The following C12orf71 variants were observed in gnomAD, a reference collection of about 807,000 sequenced individuals.
C12orf71 encodes the protein uncharacterized protein C12orf71.
C12orf71 carries 10 observed loss-of-function variants against 11.7 expected under a neutral mutation model. That is an observed-to-expected ratio of 0.86 (90% CI 0.53 to 1.45). The LOEUF (loss-of-function observed/expected upper bound fraction) is 1.45. Among genes scored for constraint, C12orf71 ranks in the 40% most tolerant of loss-of-function variants. The pLI, the probability that C12orf71 is intolerant of heterozygous loss-of-function variation, is 0.00. For synonymous variants in C12orf71, 110 were observed against 123.4 expected (o/e 0.89, Z 0.72); for missense variants, 293 against 325.8 (o/e 0.90, Z 0.78).
At position 27,082,350 on chromosome 12, in the gene C12orf71, G is replaced by T. The variant is rs745824440; in HGVS notation, c.134C>A (p.Pro45His). 1.6e-5 allele frequency: 26 copies of T among 1,598,534 alleles called. No homozygotes were observed. The highest frequency in any genetic ancestry group is 2.1e-5 in the Non-Finnish European group (25 of 1,173,376). The part of the protein sequence containing the change: ...CEDTTSWEDA[P>H]SKGPSIHFLP... ...AAAGTGGATGGAAGGACCCTTGGAA[G>T]GTGCATCTTCCCAGGAGGTTGTGTC... The change falls in exon 1 of 2, where the codon CCT becomes CAT. Residue 45 changes from proline to histidine, a missense_variant. Physicochemically the swap from Pro to His is moderately conservative, Grantham distance 77. Transcript: ENST00000429849.
Position 27,082,267 on chromosome 12 carries a change from G to C in C12orf71, c.217C>G (p.Gln73Glu), listed in dbSNP as rs1941942730. ...TERIGRRMKR[Q>E]DQIQDEPEQF... ...TCTGGTTCATCCTGAATTTGGTCTT[G>C]TCTCTTCATGCGTCTCCCTATCCTT... The change falls in exon 1 of 2, where the codon CAA becomes GAA. Residue 73 changes from glutamine (Q) to glutamate (E), a missense_variant. Coordinates refer to ENST00000429849, the MANE Select transcript of C12orf71 (RefSeq NM_001080406.2). 1 of 1,611,196 alleles carries C rather than the reference G, an allele frequency of 6.2e-7. No homozygotes were observed. Among genetic ancestry groups the C allele is most frequent in the Admixed American group, 1.7e-5 (1 of 59,638 alleles).
upstream of C12orf71, among the ~76,000 whole-genome samples, chr12:27,082,759 G>A (rs1357981118): frequency 6.6e-6 from 1 of 151,676 alleles, no homozygotes; most frequent in Non-Finnish European, 1.5e-5. Flanking sequence ...TGTATTTTTA[G>A]TAGAGATGGG....
chr12:27,082,718 C>T (rs1362892089), upstream of C12orf71, among the ~76,000 whole-genome samples: 1 of 151,474 alleles, frequency 6.6e-6, no homozygotes, highest in East Asian at 1.9e-4. Flanking sequence ...GCTGGGACTA[C>T]AAGCACACGC....
At chr12:27,083,352 C>A (rs10842851), upstream of C12orf71, among the ~76,000 whole-genome samples, 33,289 of 152,114 alleles carry the variant, frequency 0.22, 4,489 homozygotes, top group East Asian at 0.52. Flanking sequence ...CACTTCTCAT[C>A]ATTTGTCCTA....
At position 27,082,040 on chromosome 12, in the gene C12orf71, A is replaced by G. The variant is rs1238263310; in HGVS notation, c.444T>C (p.Asp148=). The part of the protein sequence containing the change: ...FQIFLENLKD[D]DAVFPETAQQ... ...GAGCAGTTTCAGGAAATACAGCGTCATCATCTTTCAGATTTTCTAGAAATA... is the reference window on the plus strand; with the variant it reads ...GAGCAGTTTCAGGAAATACAGCGTCGTCATCTTTCAGATTTTCTAGAAATA... Residue 148 remains aspartate, a synonymous_variant, in exon 1 of 2, where the codon GAT becomes GAC. Transcript: ENST00000429849. The G allele has an allele frequency of 6.3e-6, 10 of 1,598,172 alleles. No individual in the cohort carries two copies. The highest frequency in any genetic ancestry group is 1.3e-5 in the African/African-American group (1 of 74,882).
At position 27,081,450 on chromosome 12, in the gene C12orf71, G is replaced by A. The variant is rs531548082; in HGVS notation, c.534C>T (p.Thr178=). The A allele has an allele frequency of 2.9e-5, 46 of 1,608,926 alleles. No homozygotes were observed. The African/African-American group carries it at 3.5e-4, about 12-fold the overall frequency. The stretch of plus-strand genomic sequence containing the variant: ...CTGGAGCGCTTGTCCTTTGGCTGGC[G>A]GTTGCCTGGCTTATCATCTGCCATG... The part of the protein sequence containing the change: ...PEMVQMISQA[T]ASQRTSAPEI... The change falls in exon 2 of 2, where the codon ACC becomes ACT. Residue 178 remains threonine (T), a synonymous_variant. Coordinates refer to ENST00000429849, the MANE Select transcript of C12orf71 (RefSeq NM_001080406.2).
Position 27,082,207 on chromosome 12 carries a change from C to A in C12orf71, c.277G>T (p.Asp93Tyr). Residue 93 changes from aspartate (D) to tyrosine (Y), a missense_variant, in exon 1 of 2, where the codon GAC (aspartate) becomes TAC (tyrosine). Coordinates refer to ENST00000429849, the MANE Select transcript of C12orf71 (RefSeq NM_001080406.2). ...GTGTTATCGGAGCCAATGTCCACGT[C>A]CCAGGCCAGGAAGATGCTTAGTTTG... ...FCKLSIFLAWDVDIGSDNTDS... is the reference protein window; with the variant it reads ...FCKLSIFLAWYVDIGSDNTDS... The A allele has an allele frequency of 6.2e-7, 1 of 1,613,906 alleles. No homozygotes were observed.
At chr12:27,081,772 T>C (rs1348041288) in intron 1 of C12orf71, 196 bp downstream of exon 1, 1 of 734,830 alleles carries the variant, frequency 1.4e-6, no homozygotes, top group Non-Finnish European at 2.4e-6. Flanking sequence ...GGGACCTGCC[T>C]CCTCCTAGTG....
upstream of C12orf71, among the ~76,000 whole-genome samples, chr12:27,083,973 G>GAC (rs992945558): frequency 2.0e-3 from 303 of 152,154 alleles, 2 homozygotes; most frequent in African/African-American, 6.5e-3. Flanking sequence ...CGCACACACA[G>GAC]ACACACACAC....
In C12orf71 at chr12:27,082,198, T is replaced by C. The variant is rs1435009674; in HGVS notation, c.286A>G (p.Ile96Val). The change falls in exon 1 of 2, where the codon ATT (isoleucine) becomes GTT (valine). Residue 96 changes from isoleucine to valine, a missense_variant. Transcript: ENST00000429849. ...CTTGAGTCTGTGTTATCGGAGCCAA[T>C]GTCCACGTCCCAGGCCAGGAAGATG... ...LSIFLAWDVD[I>V]GSDNTDSRAN... 4.3e-6 allele frequency: 7 copies of C among 1,614,020 alleles called. 1 individual carries two copies. In the East Asian group the frequency reaches 8.9e-5, roughly 21 times the overall value.
At chr12:27,083,002 G>A (rs1183943769), upstream of C12orf71, among the ~76,000 whole-genome samples, 5 of 151,538 alleles carry the variant, frequency 3.3e-5, no homozygotes, top group South Asian at 6.2e-4. Flanking sequence ...GTTCAGTGGT[G>A]TGATGTCAGC....
At chr12:27,082,757 T>C (rs766421563), upstream of C12orf71, among the ~76,000 whole-genome samples, 4 of 151,756 alleles carry the variant, frequency 2.6e-5, no homozygotes, top group Non-Finnish European at 4.4e-5. Flanking sequence ...TTTGTATTTT[T>C]AGTAGAGATG....
Position 27,082,341 on chromosome 12 carries a change from C to T in C12orf71, c.143G>A (p.Gly48Asp), listed in dbSNP as rs746338558. 2 of 1,600,544 alleles carry T rather than the reference C, an allele frequency of 1.2e-6. No homozygotes were observed. Among genetic ancestry groups the T allele is most frequent in the Admixed American group, 3.5e-5 (2 of 57,866 alleles). The change falls in exon 1 of 2, where the codon GGT becomes GAT. Residue 48 changes from glycine (G) to aspartate (D), a missense_variant. Transcript: ENST00000429849. ...TTSWEDAPSK[G>D]PSIHFLPPVQ... is the part of the protein sequence containing the mutation. ...GGGAGGCAGAAAGTGGATGGAAGGA[C>T]CCTTGGAAGGTGCATCTTCCCAGGA... is the stretch of plus-strand genomic sequence containing the variant.
Position 27,081,270 on chromosome 12 carries a change from G to A in C12orf71, c.714C>T (p.Thr238=), listed in dbSNP as rs1216403741. The A allele has an allele frequency of 6.2e-7, 1 of 1,613,950 alleles. No homozygotes were observed. Among genetic ancestry groups the A allele is most frequent in the South Asian group, 1.1e-5 (1 of 91,086 alleles). ...LLRRDHPVNA[T]KSPHRSAPTK... ...TTGGTGCTGACCGATGGGGACTTTT[G>A]GTGGCATTCACAGGGTGATCCCTCC... The change falls in exon 2 of 2, where the codon ACC becomes ACT. Residue 238 remains threonine (T), a synonymous_variant. Transcript: ENST00000429849.
In C12orf71 at chr12:27,081,341, A is replaced by G. The variant is rs752169195; in HGVS notation, c.643T>C (p.Trp215Arg). Residue 215 changes from tryptophan to arginine, a missense_variant, in exon 2 of 2, where the codon TGG becomes CGG. Transcript: ENST00000429849. ...TQAQCCLNFG[W>R]AFSWLRQRIL... ...CGCTGCCTCAGCCAGCTGAAGGCCC[A>G]CCCAAAGTTCAGGCAGCACTGGGCC... The G allele has an allele frequency of 1.9e-6, 3 of 1,613,788 alleles. No homozygotes were observed. In the African/African-American group the frequency reaches 4.0e-5, roughly 22 times the overall value.
intron 1 of C12orf71, 90 bp from the exon 2 acceptor site, chr12:27,081,557 T>G: frequency 1.5e-6 from 2 of 1,319,800 alleles, no homozygotes; most frequent in Middle Eastern, 4.1e-4. Flanking sequence ...CACATCCTTT[T>G]ACCAAAAATA....
At chr12:27,083,959 C>T (rs11832253), upstream of C12orf71, among the ~76,000 whole-genome samples, 89 of 152,272 alleles carry the variant, frequency 5.8e-4, no homozygotes, top group African/African-American at 2.0e-3. Flanking sequence ...CACGCGTGCA[C>T]GCGCGCACAC....
At chr12:27,081,506 C>T (rs1168888276) in intron 1 of C12orf71, 39 bp from the exon 2 acceptor site, 2 of 1,565,726 alleles carry the variant, frequency 1.3e-6, no homozygotes, top group Non-Finnish European at 1.7e-6. Context: ...TAGGAATAAC[C>T]ATGACAACAG....
In C12orf71 at chr12:27,081,409, A is replaced by C. The variant is rs1332869685; in HGVS notation, c.575T>G (p.Leu192Arg). The part of the protein sequence containing the change: ...RTSAPEISSI[L>R]SEQPEKDDTP... ...GTCATCCTTCTCTGGCTGCTCTGAC[A>C]GGATTGAGGAGATCTCTGGAGCGCT... The change falls in exon 2 of 2, where the codon CTG becomes CGG. Residue 192 changes from leucine to arginine, a missense_variant. Physicochemically the swap from Leu to Arg is moderately radical, Grantham distance 102 (BLOSUM62 -2). Coordinates refer to ENST00000429849, the MANE Select transcript of C12orf71 (RefSeq NM_001080406.2). The C allele has an allele frequency of 1.2e-6, 2 of 1,614,000 alleles. No homozygotes were observed. Among genetic ancestry groups the C allele is most frequent in the Non-Finnish European group, 1.7e-6 (2 of 1,179,882 alleles).
Sources: gnomAD v4.1 joint callset for allele counts (sites outside exome capture counted in the v4.1 genomes callset) on GRCh38, gnomAD v4.1.1 for gene constraint, MANE v1.5 for transcripts, NCBI Gene and HGNC (gene_info 2026-07-23, HGNC 2026-07-21) for gene names.